The following TRHDE variants were observed in gnomAD, a reference collection of about 807,000 sequenced individuals.
TRHDE encodes thyrotropin-releasing hormone-degrading ectoenzyme.
Under a neutral mutation model 125.7 loss-of-function variants are expected in TRHDE, and 72 were observed. The observed-to-expected ratio is 0.57, with a 90% CI of 0.47 to 0.70. The LOEUF (loss-of-function observed/expected upper bound fraction) is 0.70, where lower values mean the gene tolerates loss of function less well. Ranked by LOEUF, TRHDE falls within the 30% of genes least tolerant of loss-of-function variation. The pLI is 0.00. For missense variants in TRHDE, 1,110 were observed against 1,327.1 expected, an observed-to-expected ratio of 0.84 and a Z score of 2.54; for synonymous variants, 509 against 509.1, an observed-to-expected ratio of 1.00 and a Z score of 0.00.
At chr12:72,426,495 T>C (rs924371341) in intron 3 of TRHDE, among the ~76,000 whole-genome samples, 1 of 152,142 alleles carries the variant, frequency 6.6e-6, no homozygotes, top group Non-Finnish European at 1.5e-5. Context: ...TCTACATGTA[T>C]CTACTCCATT....
intron 2 of TRHDE, among the ~76,000 whole-genome samples, chr12:72,367,169 T>C (rs1211735220): frequency 2.0e-5 from 3 of 152,112 alleles, no homozygotes; most frequent in African/African-American, 7.2e-5. Context: ...GGGTGCCTGT[T>C]ACTGGCTGTT....
At chr12:72,118,415 G>C (rs1875498745) in intron 2 of TRHDE, among the ~76,000 whole-genome samples, 1 of 152,078 alleles carries the variant, frequency 6.6e-6, no homozygotes, top group Non-Finnish European at 1.5e-5. Flanking sequence ...ACTTGATTAT[G>C]ATGAATAATC....
chr12:72,658,261 AGT>A (rs1874783831), intron 18 of TRHDE, among the ~76,000 whole-genome samples: 1 of 152,234 alleles, frequency 6.6e-6, no homozygotes, highest in South Asian at 2.1e-4. Flanking sequence ...AGAAAGAACA[AGT>A]AAATTAATGA....
chr12:72,267,337 T>C (rs187737446), intron 2 of TRHDE, among the ~76,000 whole-genome samples: 199 of 152,182 alleles, frequency 1.3e-3, no homozygotes, highest in African/African-American at 4.6e-3. Flanking sequence ...AATAAAGATA[T>C]AACTTTCTTG....
chr12:72,193,680 G>A (rs914542210), intron 2 of TRHDE, among the ~76,000 whole-genome samples: 19 of 152,036 alleles, frequency 1.2e-4, no homozygotes, highest in African/African-American at 4.3e-4. Context: ...AAATAAAAGA[G>A]CAAAATGATT....
chr12:72,482,501 A>G (rs551693723), intron 5 of TRHDE, among the ~76,000 whole-genome samples: 1 of 151,966 alleles, frequency 6.6e-6, no homozygotes, highest in South Asian at 2.1e-4. Context: ...GTTTGCTCAG[A>G]TTAACCTAGT....
intron 6 of TRHDE, among the ~76,000 whole-genome samples, chr12:72,502,541 T>C (rs1311232097): frequency 6.6e-6 from 1 of 152,178 alleles, no homozygotes; most frequent in East Asian, 1.9e-4. Context: ...TGAATCTTCC[T>C]AGATTTATTA....
chr12:72,482,316 C>T (rs147917160), intron 5 of TRHDE, among the ~76,000 whole-genome samples: 219 of 151,756 alleles, frequency 1.4e-3, no homozygotes, highest in Middle Eastern at 0.014. Context: ...TTTTACAGAG[C>T]AGCTCAAAAA....
chr12:72,259,191 C>T (rs73336638), intron 2 of TRHDE, among the ~76,000 whole-genome samples: 28,801 of 151,990 alleles, frequency 0.19, 2,886 homozygotes, highest in Middle Eastern at 0.34. Flanking sequence ...CATTTATTTT[C>T]TTCCCATTTA....
chr12:72,447,753 G>A (rs1023132425), intron 3 of TRHDE, among the ~76,000 whole-genome samples: 1 of 151,986 alleles, frequency 6.6e-6, no homozygotes. Context: ...TGATGCTTGA[G>A]CTGCACTCCT....
intron 2 of TRHDE, among the ~76,000 whole-genome samples, chr12:72,210,516 T>C (rs1445823966): frequency 2.6e-5 from 4 of 152,202 alleles, no homozygotes; most frequent in African/African-American, 9.6e-5. Context: ...AATATTTGTG[T>C]TAATGGATAA....
At chr12:72,421,303 C>G (rs1873943414) in intron 3 of TRHDE, among the ~76,000 whole-genome samples, 1 of 152,054 alleles carries the variant, frequency 6.6e-6, no homozygotes, top group South Asian at 2.1e-4. Context: ...TCTTGAATGG[C>G]TGGGTTATAA....
chr12:72,636,546 T>A (rs1329327711), intron 15 of TRHDE, among the ~76,000 whole-genome samples: 5 of 151,052 alleles, frequency 3.3e-5, no homozygotes, highest in African/African-American at 1.2e-4. Context: ...CTATGTTGAA[T>A]AGGAGTGGTG....
intron 1 of TRHDE, among the ~76,000 whole-genome samples, chr12:72,279,139 CTG>C (rs1324702475): frequency 6.6e-6 from 1 of 152,158 alleles, no homozygotes; most frequent in Non-Finnish European, 1.5e-5. Context: ...ATTGTTGCCA[CTG>C]TGTATGTGGA....
intron 3 of TRHDE, among the ~76,000 whole-genome samples, chr12:72,449,109 GTGTT>G (rs1398120245): frequency 2.0e-5 from 3 of 152,026 alleles, no homozygotes; most frequent in African/African-American, 7.2e-5. Flanking sequence ...TTTAAGGGGT[GTGTT>G]TGTTTATGGC....
At chr12:72,447,170 C>G (rs1255434356) in intron 3 of TRHDE, among the ~76,000 whole-genome samples, 1 of 152,118 alleles carries the variant, frequency 6.6e-6, no homozygotes, top group East Asian at 1.9e-4. Flanking sequence ...AACTGTCTCT[C>G]AGACCACAGT....
chr12:72,607,521 A>T (rs958540173), intron 12 of TRHDE, among the ~76,000 whole-genome samples: 2 of 150,654 alleles, frequency 1.3e-5, no homozygotes, highest in Admixed American at 1.4e-4. Context: ...AGTTTTTTTT[A>T]AAAAGTCAGA....
At position 72,670,745 on chromosome 12, in the gene TRHDE, T is replaced by A. The variant is rs1875227074; in HGVS notation, c.*7550T>A. 1 of 151,738 alleles carries A rather than the reference T, an allele frequency of 6.6e-6. No individual in the cohort carries two copies. The highest frequency in any genetic ancestry group is 2.4e-5 in the African/African-American group (1 of 41,392). 9.4% of individuals were successfully genotyped at this position (151,738 alleles called of 1,614,324 possible). A position where few individuals can be genotyped will look rare whatever the true frequency, so the allele number is the denominator to read the frequency against. On this transcript the variant is annotated 3_prime_UTR_variant, in exon 19 of 19. Transcript: ENST00000261180. ...TCTAATTATATGCCTTTAGAATAAA[T>A]GAAATGATCTGCACTTTGGTAAAAA...
chr12:72,191,291 T>G (rs368906052), intron 2 of TRHDE, among the ~76,000 whole-genome samples: 1 of 152,136 alleles, frequency 6.6e-6, no homozygotes, highest in East Asian at 1.9e-4. Context: ...GCCAGCTTCT[T>G]CTTTCTATAG....
Sources: allele counts gnomAD v4.1 joint callset (sites outside exome capture counted in the v4.1 genomes callset), GRCh38; gene constraint gnomAD v4.1.1; transcripts MANE v1.5; gene names NCBI Gene and HGNC (gene_info 2026-07-23, HGNC 2026-07-21).